The following PCDHGA6 variants were observed in gnomAD, a reference collection of about 807,000 sequenced individuals.
PCDHGA6 encodes the protein protocadherin gamma-A6.
A neutral mutation model predicts 60.6 loss-of-function variants in PCDHGA6; 41 were observed. The ratio of observed to expected loss-of-function variants is 0.68; its 90% CI spans 0.53 to 0.88. PCDHGA6 has a LOEUF of 0.88. PCDHGA6 is among the 40% of genes least tolerant of loss of function. The probability of loss-of-function intolerance (pLI) is 0.00; values close to 1 mark genes in which losing one functional copy is unlikely to be tolerated. For missense variants in PCDHGA6, 1,312 were observed against 1,203.0 expected, an observed-to-expected ratio of 1.09 and a Z score of -1.34; for synonymous variants, 594 against 524.4, an observed-to-expected ratio of 1.13 and a Z score of -1.81.
In PCDHGA6 at chr5:141,376,002, A is replaced by G; in HGVS notation, c.1919A>G (p.Gln640Arg). Residue 640 changes from glutamine to arginine, a missense_variant, in exon 1 of 4, where the codon CAG (glutamine) becomes CGG (arginine). Physicochemically the swap from Gln to Arg is conservative, Grantham distance 43. Coordinates refer to ENST00000517434, the MANE Select transcript of PCDHGA6 (RefSeq NM_018919.3). ...RALLDRDALK[Q>R]SLVVAVQDHG... ...CTGCTGGACAGAGACGCGCTCAAGCAGAGCCTAGTGGTGGCCGTCCAGGAC... is the reference window on the plus strand; with the variant it reads ...CTGCTGGACAGAGACGCGCTCAAGCGGAGCCTAGTGGTGGCCGTCCAGGAC... The G allele has an allele frequency of 3.7e-6, 6 of 1,613,478 alleles. No individual in the cohort carries two copies. Among genetic ancestry groups the G allele is most frequent in the Non-Finnish European group, 5.1e-6 (6 of 1,179,902 alleles).
Position 141,485,987 on chromosome 5 carries a change from G to T in PCDHGA6, c.2425-8820G>T. 1 of 1,614,170 alleles carries T rather than the reference G, an allele frequency of 6.2e-7. No homozygotes were observed. On this transcript the variant is annotated intron_variant, in intron 1 of 3. Transcript: ENST00000517434. The surrounding 1 kb of genome is among the most constrained non-coding windows in gnomAD (Gnocchi z 5.7). ...GCTCAATGCCTCAGACCCGGACCTG[G>T]GTCCCAGTGGTAACGTCACCTTTTA...
At chr5:141,389,161 G>A (rs2091630816) in intron 1 of PCDHGA6, 1 of 1,613,878 alleles carries the variant, frequency 6.2e-7, no homozygotes, top group African/African-American at 1.3e-5. Flanking sequence ...ACAGATCGGG[G>A]CAAGCCTCCC....
intron 1 of PCDHGA6, chr5:141,394,620 T>A: frequency 6.2e-7 from 1 of 1,613,124 alleles, no homozygotes; most frequent in Non-Finnish European, 8.5e-7. Context: ...CCAGAACGCC[T>A]GGCTGTCCTA....
rs1012728568 is a variant in PCDHGA6 at position 141,495,487 on chromosome 5, T to C, written c.2483+622T>C. Among the ~76,000 whole-genome samples, 22 of 152,328 alleles carry C rather than the reference T, an allele frequency of 1.4e-4. 1 individual carries two copies. The East Asian group carries it at 4.1e-3, about 28-fold the overall frequency. ...GGGGTCTCCGTGTCTCTGCCCCTTT[T>C]TCTTGAGTTTCCGTCTTTGCCACTT... On this transcript the variant is annotated intron_variant, in intron 2 of 3. Coordinates refer to ENST00000517434, the MANE Select transcript of PCDHGA6 (RefSeq NM_018919.3).
chr5:141,480,453 A>G (rs1033797238), intron 1 of PCDHGA6, among the ~76,000 whole-genome samples: 1 of 152,182 alleles, frequency 6.6e-6, no homozygotes, highest in African/African-American at 2.4e-5. Context: ...AATTATTTTT[A>G]TTAGTTCCTC....
rs558074504 is a variant in PCDHGA6 at position 141,489,065 on chromosome 5, C to A, written c.2425-5742C>A. ...CCACTCAAATTCAGCTCCCCTCCCCCCTGCCCACCCCCGCCACTCGGTGAC... is the reference window on the plus strand; with the variant it reads ...CCACTCAAATTCAGCTCCCCTCCCCACTGCCCACCCCCGCCACTCGGTGAC... On this transcript the variant is annotated intron_variant, in intron 1 of 3. Transcript: ENST00000517434. The surrounding 1 kb of genome is among the most constrained non-coding windows in gnomAD (Gnocchi z 4.5). 1,377 of 389,040 alleles carry A rather than the reference C, an allele frequency of 3.5e-3. 31 individuals carry two copies. Among genetic ancestry groups the A allele is most frequent in the Admixed American group, 9.8e-3 (226 of 22,946 alleles). 24.1% of individuals were successfully genotyped at this position (389,040 alleles called of 1,614,324 possible).
At chr5:141,398,437 C>G (rs2093656645) in intron 1 of PCDHGA6, 20 of 1,556,582 alleles carry the variant, frequency 1.3e-5, no homozygotes, top group Non-Finnish European at 1.8e-5. Flanking sequence ...AGCTTGTGCT[C>G]TGGAATTTGA....
rs1173375966 is a variant in PCDHGA6, at chr5:141,511,162, GAGA to G, written c.2794_2796del (p.Lys932del). 16 of 1,614,044 alleles carry G rather than the reference GAGA, an allele frequency of 9.9e-6. No individual in the cohort carries two copies. The highest frequency in any genetic ancestry group is 5.5e-5 in the South Asian group (5 of 91,078). On this transcript the variant is annotated inframe_deletion, in exon 4 of 4. Transcript: ENST00000517434. The stretch of plus-strand genomic sequence containing the variant: ...CAACAAGAAGAAGTCGGGCAAGAAG[GAGA>G]AGAAGTAACATGGAGGCCAGGCCAA...
intron 1 of PCDHGA6, chr5:141,384,055 A>G (rs764578426): frequency 7.5e-6 from 12 of 1,610,418 alleles, no homozygotes; most frequent in Non-Finnish European, 1.0e-5. Context: ...GACCTGCACC[A>G]TTCCAGAAAA....
intron 1 of PCDHGA6, chr5:141,383,127 C>T (rs1778840587): frequency 3.7e-6 from 6 of 1,614,054 alleles, no homozygotes; most frequent in Non-Finnish European, 4.2e-6. Flanking sequence ...AGCTTTTCGC[C>T]CTGAACCAGC....
At position 141,421,588 on chromosome 5, in the gene PCDHGA6, G is replaced by C; in HGVS notation, c.2424+45081G>C. 3 of 1,613,910 alleles carry C rather than the reference G, an allele frequency of 1.9e-6. No homozygotes were observed. The South Asian group carries it at 3.3e-5, about 18-fold the overall frequency. ...AGACACCTTGAAGATTTACGGAGTGGAGGTGGAAATAATAGATATTAATGA... is the reference window on the plus strand; with the variant it reads ...AGACACCTTGAAGATTTACGGAGTGCAGGTGGAAATAATAGATATTAATGA... On this transcript the variant is annotated intron_variant, in intron 1 of 3. Coordinates refer to ENST00000517434, the MANE Select transcript of PCDHGA6 (RefSeq NM_018919.3).
At chr5:141,441,820 G>A in intron 1 of PCDHGA6, 1 of 359,390 alleles carries the variant, frequency 2.8e-6, no homozygotes, top group Non-Finnish European at 5.5e-6. Flanking sequence ...CCCAGCTCTG[G>A]AGCGCAATGG....
At chr5:141,399,473 A>G (rs2093815825) in intron 1 of PCDHGA6, 2 of 1,613,996 alleles carry the variant, frequency 1.2e-6, no homozygotes, top group Non-Finnish European at 1.7e-6. Context: ...CCGGTTTTCC[A>G]CCAGGCGTCC....
Position 141,490,142 on chromosome 5 carries a change from C to A in PCDHGA6, c.2425-4665C>A. On this transcript the variant is annotated intron_variant, in intron 1 of 3. Coordinates refer to ENST00000517434, the MANE Select transcript of PCDHGA6 (RefSeq NM_018919.3). This position sits in a 1 kb window ranked among gnomAD's most constrained non-coding sequence, Gnocchi z 5.4. The stretch of plus-strand genomic sequence containing the variant: ...TTTGGCCTAGACCCTAGCAGTGGGG[C>A]AATCCATGTGTTGGGTCCCATAGAC... The A allele has an allele frequency of 1.9e-6, 3 of 1,614,220 alleles. No individual in the cohort carries two copies. The highest frequency in any genetic ancestry group is 2.7e-5 in the African/African-American group (2 of 75,060).
chr5:141,382,962 G>T (rs1259468425), intron 1 of PCDHGA6: 2 of 1,607,858 alleles, frequency 1.2e-6, no homozygotes, highest in Non-Finnish European at 1.7e-6. Flanking sequence ...TCCTCCTGGG[G>T]ACCCCCTGGG....
intron 1 of PCDHGA6, chr5:141,385,549 C>G (rs2090279237): frequency 7.6e-7 from 1 of 1,316,048 alleles, no homozygotes; most frequent in Non-Finnish European, 9.7e-7. Context: ...TGGACTATCA[C>G]ATTTTATAAT....
chr5:141,417,524 T>C (rs2096128269), intron 1 of PCDHGA6: 1 of 271,098 alleles, frequency 3.7e-6, no homozygotes, highest in African/African-American at 2.2e-5. Flanking sequence ...GGCTGTCAAC[T>C]CGTAGTTTAA....
chr5:141,490,793 C>T lies in PCDHGA6; in HGVS notation c.2425-4014C>T, dbSNP rs2233608. 6 of 1,613,812 alleles carry T rather than the reference C, an allele frequency of 3.7e-6. No homozygotes were observed. The East Asian group carries it at 1.3e-4, about 36-fold the overall frequency. On this transcript the variant is annotated intron_variant, in intron 1 of 3. Transcript: ENST00000517434. This position sits in a 1 kb window ranked among gnomAD's most constrained non-coding sequence, Gnocchi z 5.4. Reference sequence around the variant, plus strand: ...AACCCAGAGGATGGACGGATCTTTGCCCAGCGTACCTTTGACTATGAATTG... The same window carrying T: ...AACCCAGAGGATGGACGGATCTTTGTCCAGCGTACCTTTGACTATGAATTG...
intron 1 of PCDHGA6, among the ~76,000 whole-genome samples, chr5:141,479,979 T>C (rs67253891): frequency 0.061 from 9,352 of 152,266 alleles, 334 homozygotes; most frequent in South Asian, 0.12. Context: ...GTTCTACCAT[T>C]TACCAACTAG....
Sources: gnomAD v4.1 joint callset for allele counts (sites outside exome capture counted in the v4.1 genomes callset) on GRCh38, gnomAD v4.1.1 for gene constraint, Gnocchi (gnomAD v3.1) non-coding constraint, MANE v1.5 for transcripts, NCBI Gene and HGNC (gene_info 2026-07-23, HGNC 2026-07-21) for gene names.